The following PDLIM5 variants were observed in gnomAD, a reference collection of about 807,000 sequenced individuals.
The protein encoded by PDLIM5 is PDZ and LIM domain 5, also known as PDZ and LIM domain protein 5.
In PDLIM5, 34 loss-of-function variants were observed where a neutral mutation model predicts 64.2. The observed-to-expected ratio is 0.53, with a 90% CI of 0.40 to 0.71. PDLIM5 has a LOEUF of 0.71. Among genes scored for constraint, PDLIM5 ranks in the 30% least tolerant of loss-of-function variants. PDLIM5 has a pLI of 0.00. For missense variants in PDLIM5, 683 were observed against 733.6 expected (o/e 0.93, Z 0.80); for synonymous variants, 253 against 269.1 (o/e 0.94, Z 0.59).
At chr4:94,488,148 G>C (rs1726522120) in intron 2 of PDLIM5, among the ~76,000 whole-genome samples, 1 of 152,224 alleles carries the variant, frequency 6.6e-6, no homozygotes, top group African/African-American at 2.4e-5. Context: ...ATGCAGTCCA[G>C]CTTGCTGAAT....
chr4:94,617,312 T>TC (rs1738856438), intron 7 of PDLIM5, among the ~76,000 whole-genome samples: 1 of 152,204 alleles, frequency 6.6e-6, no homozygotes, highest in African/African-American at 2.4e-5. Context: ...AGACCTGCTG[T>TC]TTAAACAGGT....
intron 11 of PDLIM5, among the ~76,000 whole-genome samples, chr4:94,659,494 A>ATGTGTGTGTGTGTGTG (rs1163008328): frequency 9.2e-6 from 1 of 109,062 alleles, no homozygotes; most frequent in Non-Finnish European, 2.0e-5. Flanking sequence ...ATATGTGTGT[A>ATGTGTGTGTGTGTGTG]TGTGTGTGTG....
intron 4 of PDLIM5, among the ~76,000 whole-genome samples, chr4:94,574,097 C>A (rs1735039420): frequency 6.6e-6 from 1 of 152,198 alleles, no homozygotes; most frequent in Non-Finnish European, 1.5e-5. Context: ...TATCTGAAAT[C>A]TGAATGCTTC....
chr4:94,531,704 A>G (rs1379731598), intron 3 of PDLIM5, among the ~76,000 whole-genome samples: 1 of 152,156 alleles, frequency 6.6e-6, no homozygotes, highest in Non-Finnish European at 1.5e-5. Flanking sequence ...TGCCCTCCTT[A>G]CTTTCTTTGC....
At chr4:94,458,092 G>C (rs1445224145) in intron 2 of PDLIM5, among the ~76,000 whole-genome samples, 1 of 152,142 alleles carries the variant, frequency 6.6e-6, no homozygotes, top group Non-Finnish European at 1.5e-5. Flanking sequence ...AATATGCCTA[G>C]TAACATTGCC....
At chr4:94,589,300 AC>A in intron 7 of PDLIM5, among the ~76,000 whole-genome samples, 1 of 152,348 alleles carries the variant, frequency 6.6e-6, no homozygotes, top group Admixed American at 6.5e-5. Context: ...AGACAAGAGA[AC>A]ATGTATAGAG....
intron 3 of PDLIM5, among the ~76,000 whole-genome samples, chr4:94,556,456 T>C (rs1472415407): frequency 2.0e-5 from 3 of 152,210 alleles, no homozygotes; most frequent in Non-Finnish European, 1.5e-5. Context: ...GTATTTTTAG[T>C]TCTAGATCCT....
At chr4:94,574,235 C>T (rs369652364) in intron 4 of PDLIM5, among the ~76,000 whole-genome samples, 7 of 152,252 alleles carry the variant, frequency 4.6e-5, no homozygotes, top group East Asian at 1.9e-4. Flanking sequence ...CGGTGGGTCA[C>T]GCCTGTAATC....
intron 3 of PDLIM5, among the ~76,000 whole-genome samples, chr4:94,548,529 T>C (rs1297353617): frequency 6.6e-6 from 1 of 152,192 alleles, no homozygotes; most frequent in Non-Finnish European, 1.5e-5. Context: ...AAAGTTCATA[T>C]ACATCCAATT....
intron 7 of PDLIM5, chr4:94,608,203 C>T (rs887059963): frequency 1.3e-6 from 2 of 1,497,242 alleles, no homozygotes; most frequent in East Asian, 4.9e-5. Context: ...CTTGGTGTTT[C>T]TAAATTTCAA....
At chr4:94,595,615 GT>G in intron 7 of PDLIM5, among the ~76,000 whole-genome samples, 1 of 152,116 alleles carries the variant, frequency 6.6e-6, no homozygotes, top group Non-Finnish European at 1.5e-5. Flanking sequence ...TGTTTTGTAA[GT>G]TTTTTTAAAA....
intron 3 of PDLIM5, among the ~76,000 whole-genome samples, chr4:94,556,264 C>T (rs1733311573): frequency 6.6e-6 from 1 of 152,102 alleles, no homozygotes; most frequent in African/African-American, 2.4e-5. Context: ...CATAGTGTTC[C>T]ATGGTGTATA....
chr4:94,570,766 G>C (rs1734741749), intron 3 of PDLIM5, among the ~76,000 whole-genome samples: 1 of 152,052 alleles, frequency 6.6e-6, no homozygotes. Context: ...TAGTGTTTAT[G>C]GGTCCCAAGG....
chr4:94,520,801 T>G (rs976772485), intron 2 of PDLIM5, among the ~76,000 whole-genome samples: 2 of 152,162 alleles, frequency 1.3e-5, no homozygotes, highest in Non-Finnish European at 2.9e-5. Flanking sequence ...CAAAAAGACA[T>G]CAGTGTGGAA....
At position 94,595,322 on chromosome 4, in the gene PDLIM5, G is replaced by A. The variant is rs149924176; in HGVS notation, c.920+8878G>A. 6.8e-3 allele frequency among the ~76,000 whole-genome samples: 1,029 copies of A among 152,296 alleles called. 10 individuals carry two copies. Among genetic ancestry groups the A allele is most frequent in the African/African-American group, 0.023 (963 of 41,576 alleles). On this transcript the variant is annotated intron_variant, in intron 7 of 12. Coordinates refer to ENST00000317968, the MANE Select transcript of PDLIM5 (RefSeq NM_006457.5). ...TGTCAAAGAATTAAAATGCTCATTA[G>A]GAGAGGAGTGACTGCTTCTCCCTTT...
intron 2 of PDLIM5, among the ~76,000 whole-genome samples, chr4:94,497,119 T>A (rs1319888406): frequency 1.3e-5 from 2 of 152,180 alleles, no homozygotes; most frequent in Admixed American, 6.5e-5. Context: ...GGGTGCAGTT[T>A]TCATTTTTTG....
intron 2 of PDLIM5, among the ~76,000 whole-genome samples, chr4:94,465,985 AG>A (rs1724329137): frequency 6.6e-6 from 1 of 151,442 alleles, no homozygotes; most frequent in Admixed American, 6.6e-5. Context: ...TTTTTGAGAC[AG>A]GGTCTTGCTC....
At chr4:94,518,998 A>G (rs914725364) in intron 2 of PDLIM5, among the ~76,000 whole-genome samples, 2 of 152,172 alleles carry the variant, frequency 1.3e-5, no homozygotes, top group Non-Finnish European at 2.9e-5. Context: ...GGCAACACCT[A>G]ACTGTCCTGA....
intron 7 of PDLIM5, among the ~76,000 whole-genome samples, chr4:94,589,152 A>AG (rs560550033): frequency 5.2e-4 from 79 of 152,344 alleles, no homozygotes; most frequent in Admixed American, 3.7e-3. Flanking sequence ...ATGGAATTAA[A>AG]GCCTCATAAA....
Sources: gnomAD v4.1 joint callset for allele counts (sites outside exome capture counted in the v4.1 genomes callset) on GRCh38, gnomAD v4.1.1 for gene constraint, MANE v1.5 for transcripts, NCBI Gene and HGNC (gene_info 2026-07-23, HGNC 2026-07-21) for gene names.